CDH10: variants seen among roughly 807,000 people sequenced by gnomAD.
CDH10 encodes the protein cadherin-10.
Under a neutral mutation model 73.1 loss-of-function variants are expected in CDH10, and 30 were observed. The ratio of observed to expected loss-of-function variants is 0.41; its 90% CI spans 0.31 to 0.56. The LOEUF (loss-of-function observed/expected upper bound fraction) is 0.56. CDH10 is among the 20% of genes least tolerant of loss of function. The pLI is 0.27. For synonymous variants in CDH10, 345 were observed against 348.2 expected, an observed-to-expected ratio of 0.99 and a Z score of 0.10; for missense variants, 815 against 973.7, an observed-to-expected ratio of 0.84 and a Z score of 2.17.
Position 24,597,956 on chromosome 5 carries a change from T to A in CDH10, c.-123-4343A>T, listed in dbSNP as rs757357803. 3.9e-5 allele frequency among the ~76,000 whole-genome samples: 6 copies of A among 151,932 alleles called. No homozygotes were observed. In the East Asian group the frequency reaches 9.7e-4, roughly 24 times the overall value. On this transcript the variant is annotated intron_variant, in intron 1 of 11. Coordinates refer to ENST00000264463, the MANE Select transcript of CDH10 (RefSeq NM_006727.5). The stretch of plus-strand genomic sequence containing the variant: ...CAGCTTTTAAAAATATATATATTAT[T>A]TATAAGAGTAATCGAAAATGCTAAA...
chr5:24,528,561 C>A (rs2111846946), intron 5 of CDH10, among the ~76,000 whole-genome samples: 1 of 152,040 alleles, frequency 6.6e-6, no homozygotes, highest in South Asian at 2.1e-4. Flanking sequence ...TTGTCTCATG[C>A]AAACTTGTTT....
chr5:24,563,174 C>T (rs1056678579), intron 2 of CDH10, among the ~76,000 whole-genome samples: 16 of 152,050 alleles, frequency 1.1e-4, no homozygotes, highest in African/African-American at 3.6e-4. Flanking sequence ...ACAGTCCTTC[C>T]TAAATTTGAA....
At chr5:24,587,186 T>C (rs1254645984) in intron 2 of CDH10, among the ~76,000 whole-genome samples, 2 of 152,184 alleles carry the variant, frequency 1.3e-5, no homozygotes, top group Non-Finnish European at 2.9e-5. Context: ...TTTAGCTATA[T>C]GAAGTGACTA....
chr5:24,590,259 C>T (rs1746154272), intron 2 of CDH10, among the ~76,000 whole-genome samples: 1 of 151,574 alleles, frequency 6.6e-6, no homozygotes, highest in Non-Finnish European at 1.5e-5. Context: ...TATTACTCTC[C>T]GTTCCCTTTC....
intron 2 of CDH10, among the ~76,000 whole-genome samples, chr5:24,551,743 A>G (rs1196711269): frequency 3.9e-5 from 6 of 152,140 alleles, no homozygotes; most frequent in African/African-American, 1.4e-4. Flanking sequence ...TTGTAATGGA[A>G]ATATGTCTGG....
At chr5:24,610,449 G>A (rs1352933882) in intron 1 of CDH10, among the ~76,000 whole-genome samples, 1 of 151,978 alleles carries the variant, frequency 6.6e-6, no homozygotes, top group Non-Finnish European at 1.5e-5. Flanking sequence ...ATTAAATTTA[G>A]AGAGATTTAA....
intron 5 of CDH10, among the ~76,000 whole-genome samples, chr5:24,534,327 G>C (rs1318464703): frequency 6.6e-6 from 1 of 151,994 alleles, no homozygotes; most frequent in East Asian, 1.9e-4. Context: ...CATTTCTAAT[G>C]ACCCTAATTT....
chr5:24,552,111 T>A (rs1744567411), intron 2 of CDH10, among the ~76,000 whole-genome samples: 1 of 152,130 alleles, frequency 6.6e-6, no homozygotes, highest in African/African-American at 2.4e-5. Context: ...TAAGTGCTTC[T>A]TGGTCTCAAA....
At chr5:24,584,288 G>A (rs952482730) in intron 2 of CDH10, among the ~76,000 whole-genome samples, 2 of 152,000 alleles carry the variant, frequency 1.3e-5, no homozygotes, top group African/African-American at 2.4e-5. Flanking sequence ...TACAGATGAT[G>A]AGAAAGGTCT....
In CDH10 at chr5:24,598,964, T is replaced by C. The variant is rs576778189; in HGVS notation, c.-123-5351A>G. ...AACATATGGCAGGGATAAAGAGGATTGTTGAATGAGGCACATAACTTCATG... is the reference window on the plus strand; with the variant it reads ...AACATATGGCAGGGATAAAGAGGATCGTTGAATGAGGCACATAACTTCATG... On this transcript the variant is annotated intron_variant, in intron 1 of 11. Coordinates refer to ENST00000264463, the MANE Select transcript of CDH10 (RefSeq NM_006727.5). Among the ~76,000 whole-genome samples the C allele has an allele frequency of 7.2e-5, 11 of 152,180 alleles. No individual in the cohort carries two copies. In the South Asian group the frequency reaches 2.3e-3, roughly 32 times the overall value.
At chr5:24,600,877 A>T (rs1746537906) in intron 1 of CDH10, among the ~76,000 whole-genome samples, 2 of 152,170 alleles carry the variant, frequency 1.3e-5, no homozygotes, top group East Asian at 3.9e-4. Flanking sequence ...TAGGTCTGAT[A>T]CAATGTGGAG....
intron 5 of CDH10, among the ~76,000 whole-genome samples, chr5:24,533,466 T>C (rs1743823090): frequency 1.3e-5 from 2 of 152,072 alleles, no homozygotes; most frequent in African/African-American, 2.4e-5. Context: ...AAATGTGTCA[T>C]TTGTAAATGG....
At chr5:24,567,561 A>T (rs962923318) in intron 2 of CDH10, among the ~76,000 whole-genome samples, 5 of 151,964 alleles carry the variant, frequency 3.3e-5, no homozygotes. Flanking sequence ...GTATGCTCCA[A>T]AGGTCCATTT....
At chr5:24,530,905 A>G (rs1743717804) in intron 5 of CDH10, among the ~76,000 whole-genome samples, 1 of 152,058 alleles carries the variant, frequency 6.6e-6, no homozygotes, top group South Asian at 2.1e-4. Flanking sequence ...AAGATAACTT[A>G]GATCAGGCAC....
At position 24,604,688 on chromosome 5, in the gene CDH10, C is replaced by T. The variant is rs560416152; in HGVS notation, c.-123-11075G>A. Among the ~76,000 whole-genome samples the T allele has an allele frequency of 5.9e-5, 9 of 152,060 alleles. No homozygotes were observed. In the East Asian group the frequency reaches 1.6e-3, roughly 26 times the overall value. On this transcript the variant is annotated intron_variant, in intron 1 of 11. Coordinates refer to ENST00000264463, the MANE Select transcript of CDH10 (RefSeq NM_006727.5). ...AGGAGTTCAAGACCAGCCTAACCAA[C>T]ACGGTGAAACCCCATATCTACTAAA...
At chr5:24,501,049 A>G (rs1471406987) in intron 8 of CDH10, among the ~76,000 whole-genome samples, 1 of 152,208 alleles carries the variant, frequency 6.6e-6, no homozygotes, top group Non-Finnish European at 1.5e-5. Context: ...GTTGCTATGG[A>G]GAAAAGTGGG....
At chr5:24,560,234 G>A (rs1338418956) in intron 2 of CDH10, among the ~76,000 whole-genome samples, 3 of 146,866 alleles carry the variant, frequency 2.0e-5, no homozygotes, top group Admixed American at 6.9e-5. Flanking sequence ...GTGTGTGTGT[G>A]TGTGTGTGTG....
intron 1 of CDH10, among the ~76,000 whole-genome samples, chr5:24,633,525 C>CA (rs1201052294): frequency 2.0e-5 from 3 of 151,720 alleles, no homozygotes; most frequent in African/African-American, 7.3e-5. Flanking sequence ...TTACAAAATG[C>CA]AAAAATAACA....
intron 5 of CDH10, among the ~76,000 whole-genome samples, chr5:24,529,814 C>A (rs1044465887): frequency 1.3e-4 from 19 of 151,784 alleles, no homozygotes; most frequent in African/African-American, 4.6e-4. Context: ...TCCATGACTT[C>A]TATTTGTCAA....
Sources: allele counts gnomAD v4.1 joint callset (sites outside exome capture counted in the v4.1 genomes callset), GRCh38; gene constraint gnomAD v4.1.1; transcripts MANE v1.5; gene names NCBI Gene and HGNC (gene_info 2026-07-23, HGNC 2026-07-21).